CCNY: variants seen among roughly 807,000 people sequenced by gnomAD.
CCNY encodes cyclin-Y.
Under a neutral mutation model 42.8 loss-of-function variants are expected in CCNY, and 19 were observed. The ratio of observed to expected loss-of-function variants is 0.44; its 90% CI spans 0.31 to 0.65. The LOEUF is 0.65. Ranked by LOEUF, CCNY falls within the 30% of genes least tolerant of loss-of-function variation. CCNY has a pLI of 0.07. For synonymous variants in CCNY, 165 were observed against 162.7 expected, an observed-to-expected ratio of 1.01 and a Z score of -0.11; for missense variants, 370 against 437.3, an observed-to-expected ratio of 0.85 and a Z score of 1.37.
chr10:35,494,865 A>G (rs1839976294), intron 2 of CCNY, among the ~76,000 whole-genome samples: 2 of 152,216 alleles, frequency 1.3e-5, no homozygotes, highest in African/African-American at 4.8e-5. Flanking sequence ...GACTCAAAGG[A>G]TACACATCAG....
chr10:35,321,182 A>T (rs532766895), intron 3 of CCNY, among the ~76,000 whole-genome samples: 1 of 150,976 alleles, frequency 6.6e-6, no homozygotes, highest in African/African-American at 2.4e-5. Context: ...AAAAACATGG[A>T]CTAGTTAGGG....
intron 3 of CCNY, among the ~76,000 whole-genome samples, chr10:35,508,360 T>G (rs914215806): frequency 7.2e-5 from 11 of 152,360 alleles, no homozygotes; most frequent in African/African-American, 2.6e-4. Context: ...AGTGGCAGTC[T>G]TTTGATACTG....
intron 1 of CCNY, among the ~76,000 whole-genome samples, chr10:35,401,122 G>T (rs930713747): frequency 6.6e-6 from 1 of 152,224 alleles, no homozygotes; most frequent in African/African-American, 2.4e-5. Context: ...AGCATCAGCA[G>T]TTCCTATTTT....
chr10:35,569,506 C>A lies in CCNY; in HGVS notation c.*336C>A. On this transcript the variant is annotated 3_prime_UTR_variant, in exon 10 of 10. Coordinates refer to ENST00000374704, the MANE Select transcript of CCNY (RefSeq NM_145012.6). ...CGGCCCTCTGGAGTCCCCATGGGGG[C>A]GGTAGCTGAAGTTGGCGAGCGCAGC... The A allele has an allele frequency of 3.1e-6, 1 of 321,182 alleles. No individual in the cohort carries two copies. The highest frequency in any genetic ancestry group is 6.0e-6 in the Non-Finnish European group (1 of 168,054). The allele number at this position is 321,182 out of a possible 1,614,324, so 19.9% of individuals were successfully genotyped here. A position where few individuals can be genotyped will look rare whatever the true frequency, so the allele number is the denominator to read the frequency against.
At chr10:35,313,821 A>C (rs554030916) in intron 3 of CCNY, among the ~76,000 whole-genome samples, 2 of 152,116 alleles carry the variant, frequency 1.3e-5, no homozygotes, top group South Asian at 4.1e-4. Flanking sequence ...AAAAAAGATA[A>C]AAAAACTAGC....
intron 3 of CCNY, among the ~76,000 whole-genome samples, chr10:35,506,850 C>T (rs1463786990): frequency 1.3e-5 from 2 of 152,180 alleles, no homozygotes; most frequent in Non-Finnish European, 2.9e-5. Flanking sequence ...GGATATCATC[C>T]CTTAATTAGC....
chr10:35,308,098 T>G (rs991880300), intron 3 of CCNY, among the ~76,000 whole-genome samples: 2 of 150,016 alleles, frequency 1.3e-5, no homozygotes, highest in East Asian at 4.1e-4. Context: ...ATTACAGGCA[T>G]AAGCCACCGT....
At chr10:35,553,883 C>T (rs1032014564) in intron 8 of CCNY, among the ~76,000 whole-genome samples, 1 of 152,114 alleles carries the variant, frequency 6.6e-6, no homozygotes, top group Non-Finnish European at 1.5e-5. Context: ...TGGGGGGTCT[C>T]TAGGGACTGG....
At chr10:35,285,876 G>A (rs944777154) in intron 3 of CCNY, among the ~76,000 whole-genome samples, 2 of 152,146 alleles carry the variant, frequency 1.3e-5, no homozygotes, top group South Asian at 2.1e-4. Flanking sequence ...GCAATGGCAC[G>A]ATCTGGGCTC....
intron 1 of CCNY, among the ~76,000 whole-genome samples, chr10:35,456,011 T>C (rs893554371): frequency 5.3e-5 from 8 of 152,052 alleles, no homozygotes; most frequent in African/African-American, 1.9e-4. Flanking sequence ...TGATGATGAC[T>C]TAAAATAGTC....
At chr10:35,507,162 A>C (rs1011656015) in intron 3 of CCNY, among the ~76,000 whole-genome samples, 9 of 152,214 alleles carry the variant, frequency 5.9e-5, no homozygotes, top group Non-Finnish European at 1.2e-4. Flanking sequence ...TTGAAGGAGC[A>C]TTCTACTTGA....
chr10:35,464,124 C>G (rs1839210168), intron 1 of CCNY, among the ~76,000 whole-genome samples: 1 of 152,076 alleles, frequency 6.6e-6, no homozygotes, highest in Non-Finnish European at 1.5e-5. Flanking sequence ...TGTGGTTATC[C>G]CACAGATAGG....
At chr10:35,395,738 C>T (rs986195476) in intron 1 of CCNY, among the ~76,000 whole-genome samples, 8 of 152,312 alleles carry the variant, frequency 5.3e-5, no homozygotes, top group East Asian at 1.9e-4. Context: ...AAGAGAGAGA[C>T]GCTGTCAGCG....
At chr10:35,354,812 G>A (rs1234777447) in intron 1 of CCNY, among the ~76,000 whole-genome samples, 2 of 152,090 alleles carry the variant, frequency 1.3e-5, no homozygotes, top group African/African-American at 4.8e-5. Flanking sequence ...CTTGGAAGGT[G>A]GACAGTCTGT....
intron 3 of CCNY, among the ~76,000 whole-genome samples, chr10:35,304,768 G>A (rs896482325): frequency 3.9e-5 from 6 of 152,192 alleles, no homozygotes; most frequent in Non-Finnish European, 8.8e-5. Flanking sequence ...CCCACTACAT[G>A]CCAGTGGCAT....
chr10:35,520,356 C>G (rs1271748246), intron 4 of CCNY, among the ~76,000 whole-genome samples: 2 of 152,172 alleles, frequency 1.3e-5, no homozygotes, highest in Non-Finnish European at 2.9e-5. Flanking sequence ...CTACTCCTGT[C>G]CAAAGAAAAC....
chr10:35,333,607 C>T (rs901203459), upstream of CCNY, among the ~76,000 whole-genome samples: 4 of 152,174 alleles, frequency 2.6e-5, no homozygotes, highest in South Asian at 4.1e-4. Flanking sequence ...CCAATTAGGA[C>T]ATTTCTCAGT....
At chr10:35,465,491 T>C (rs1839240257) in intron 1 of CCNY, among the ~76,000 whole-genome samples, 1 of 152,190 alleles carries the variant, frequency 6.6e-6, no homozygotes, top group Non-Finnish European at 1.5e-5. Context: ...AGCAGTCAAA[T>C]TTGAACTGTT....
At chr10:35,342,590 C>T (rs929372789) in intron 1 of CCNY, among the ~76,000 whole-genome samples, 1 of 151,628 alleles carries the variant, frequency 6.6e-6, no homozygotes, top group Non-Finnish European at 1.5e-5. Flanking sequence ...AAGACTGAAT[C>T]TCAGAGAGGT....
Sources: allele counts gnomAD v4.1 joint callset (sites outside exome capture counted in the v4.1 genomes callset), GRCh38; gene constraint gnomAD v4.1.1; transcripts MANE v1.5; gene names NCBI Gene and HGNC (gene_info 2026-07-23, HGNC 2026-07-21).